MACROD2: variants seen among roughly 807,000 people sequenced by gnomAD.
MACROD2 encodes the protein mono-ADP ribosylhydrolase 2.
A neutral mutation model predicts 70.4 loss-of-function variants in MACROD2; 36 were observed. The observed-to-expected ratio is 0.51, with a 90% CI of 0.39 to 0.68. The LOEUF (loss-of-function observed/expected upper bound fraction) is 0.68, where lower values mean the gene tolerates loss of function less well. MACROD2 is among the 30% of genes least tolerant of loss of function. The pLI is 0.00. For synonymous variants in MACROD2, 172 were observed against 178.8 expected, an observed-to-expected ratio of 0.96 and a Z score of 0.30; for missense variants, 496 against 538.4, an observed-to-expected ratio of 0.92 and a Z score of 0.78.
At chr20:15,048,318 GA>G (rs972680895) in intron 5 of MACROD2, among the ~76,000 whole-genome samples, 21 of 152,058 alleles carry the variant, frequency 1.4e-4, no homozygotes, top group African/African-American at 4.6e-4. Flanking sequence ...TTCGTGGTTT[GA>G]AGCCACTGAT....
intron 4 of MACROD2, among the ~76,000 whole-genome samples, chr20:14,625,401 A>G (rs1984087562): frequency 6.6e-6 from 1 of 152,114 alleles, no homozygotes; most frequent in African/African-American, 2.4e-5. Flanking sequence ...GACCTATTGA[A>G]TGGTCATGAA....
At chr20:15,469,724 A>G (rs2046940440) in intron 7 of MACROD2, among the ~76,000 whole-genome samples, 1 of 152,190 alleles carries the variant, frequency 6.6e-6, no homozygotes, top group Admixed American at 6.5e-5. Flanking sequence ...TTCAAGATGG[A>G]GAACGCATCA....
chr20:15,129,841 T>G (rs1469046517), intron 5 of MACROD2, among the ~76,000 whole-genome samples: 1 of 152,102 alleles, frequency 6.6e-6, no homozygotes, highest in Non-Finnish European at 1.5e-5. Context: ...CTGGTTGCTT[T>G]TGTTGTATTT....
intron 8 of MACROD2, among the ~76,000 whole-genome samples, chr20:15,698,791 C>T (rs980505966): frequency 3.3e-5 from 5 of 151,982 alleles, no homozygotes; most frequent in African/African-American, 1.2e-4. Flanking sequence ...TTTACTTTGT[C>T]TTTGTTGTGG....
intron 4 of MACROD2, among the ~76,000 whole-genome samples, chr20:14,508,232 G>T (rs1243873865): frequency 6.6e-6 from 1 of 152,166 alleles, no homozygotes; most frequent in African/African-American, 2.4e-5. Context: ...AAGTATTGAA[G>T]AAATGCCTCA....
At chr20:15,406,464 T>C (rs2046002888) in intron 6 of MACROD2, among the ~76,000 whole-genome samples, 1 of 152,246 alleles carries the variant, frequency 6.6e-6, no homozygotes, top group African/African-American at 2.4e-5. Context: ...ATTATAATTA[T>C]GTATTTGTTC....
chr20:14,704,122 T>C (rs192977717), intron 5 of MACROD2, among the ~76,000 whole-genome samples: 2 of 152,278 alleles, frequency 1.3e-5, no homozygotes, highest in Non-Finnish European at 2.9e-5. Context: ...TTTGGTAGTA[T>C]TTTCTTATGA....
chr20:15,687,676 C>A (rs1011675317), intron 8 of MACROD2, among the ~76,000 whole-genome samples: 10 of 152,124 alleles, frequency 6.6e-5, no homozygotes, highest in Admixed American at 6.5e-4. Flanking sequence ...TCTTGACATA[C>A]TCTGGTTTTC....
At chr20:14,492,945 T>C (rs2084811199) in intron 3 of MACROD2, among the ~76,000 whole-genome samples, 1 of 152,070 alleles carries the variant, frequency 6.6e-6, no homozygotes. Context: ...TAGCACAGCA[T>C]TGTTTAACGT....
intron 5 of MACROD2, among the ~76,000 whole-genome samples, chr20:15,225,367 T>G (rs2076896582): frequency 1.3e-5 from 2 of 152,208 alleles, no homozygotes; most frequent in South Asian, 4.1e-4. Context: ...ATATACTCTT[T>G]GTTTAAATGT....
intron 2 of MACROD2, among the ~76,000 whole-genome samples, chr20:14,024,659 T>C (rs1256481950): frequency 6.6e-6 from 1 of 152,252 alleles, no homozygotes; most frequent in Non-Finnish European, 1.5e-5. Context: ...GTTCTGTTTA[T>C]GTGATGGATT....
intron 4 of MACROD2, among the ~76,000 whole-genome samples, chr20:14,546,788 C>T (rs756669297): frequency 2.6e-5 from 4 of 152,068 alleles, no homozygotes; most frequent in Non-Finnish European, 4.4e-5. Flanking sequence ...CTTGGGTATC[C>T]TCTAATCATT....
At chr20:14,461,122 A>T (rs773825441) in intron 3 of MACROD2, among the ~76,000 whole-genome samples, 5 of 152,022 alleles carry the variant, frequency 3.3e-5, no homozygotes, top group Non-Finnish European at 7.4e-5. Flanking sequence ...TGGTCTATTC[A>T]GGGATTTGAC....
intron 8 of MACROD2, among the ~76,000 whole-genome samples, chr20:15,636,688 C>CT (rs1251217686): frequency 2.0e-5 from 3 of 152,010 alleles, no homozygotes; most frequent in Non-Finnish European, 4.4e-5. Context: ...AGAAAGTGCT[C>CT]TATTATTTCT....
intron 9 of MACROD2, among the ~76,000 whole-genome samples, chr20:15,865,452 A>T (rs190953388): frequency 6.6e-6 from 1 of 152,318 alleles, no homozygotes; most frequent in East Asian, 1.9e-4. Flanking sequence ...CAGCCACAGC[A>T]TTCATTTCTT....
chr20:14,625,501 A>G (rs919577532), intron 4 of MACROD2, among the ~76,000 whole-genome samples: 4 of 152,078 alleles, frequency 2.6e-5, no homozygotes, highest in Admixed American at 2.6e-4. Flanking sequence ...AGAGAAAATG[A>G]CCGTAGTCAT....
rs931920457 is a variant in MACROD2 at position 16,033,358 on chromosome 20, A to T, written c.1154-7843A>T. On this transcript the variant is annotated intron_variant, in intron 15 of 17. Coordinates refer to ENST00000684519, the MANE Select transcript of MACROD2 (RefSeq NM_001351661.2). ...TTCTCCTCTGAGATTTAATCTAGCT[A>T]CATCAGAGCTCTAATTCATTTAACT... is the stretch of plus-strand genomic sequence containing the variant. 3.9e-5 allele frequency among the ~76,000 whole-genome samples: 6 copies of T among 152,230 alleles called. No homozygotes were observed. The East Asian group carries it at 1.2e-3, about 29-fold the overall frequency.
In MACROD2 at chr20:14,705,794, A is replaced by G. The variant is rs1046885135; in HGVS notation, c.418+20835A>G. ...TTGTCAGTATTTTATGAAGTTAAAG[A>G]CAAATTCAAACATTAATGATTCTAG... On this transcript the variant is annotated intron_variant, in intron 5 of 17. Transcript: ENST00000684519. 2.6e-5 allele frequency among the ~76,000 whole-genome samples: 4 copies of G among 152,178 alleles called. No individual in the cohort carries two copies. In the East Asian group the frequency reaches 7.7e-4, roughly 29 times the overall value.
intron 12 of MACROD2, among the ~76,000 whole-genome samples, chr20:15,966,700 G>A (rs2066145302): frequency 6.6e-6 from 1 of 152,152 alleles, no homozygotes; most frequent in African/African-American, 2.4e-5. Context: ...TACGGTTGCA[G>A]CACTGCATCC....
Sources: gnomAD v4.1 joint callset for allele counts (sites outside exome capture counted in the v4.1 genomes callset) on GRCh38, gnomAD v4.1.1 for gene constraint, MANE v1.5 for transcripts, NCBI Gene and HGNC (gene_info 2026-07-23, HGNC 2026-07-21) for gene names.